SYN3: variants seen among roughly 807,000 people sequenced by gnomAD.
The protein encoded by SYN3 is synapsin III.
In SYN3, 35 loss-of-function variants were observed where a neutral mutation model predicts 65.8. The ratio of observed to expected loss-of-function variants is 0.53; its 90% CI spans 0.41 to 0.70. SYN3 has a LOEUF of 0.70. SYN3 is among the 30% of genes least tolerant of loss of function. SYN3 has a pLI of 0.00. For synonymous variants in SYN3, 270 were observed against 292.9 expected (o/e 0.92, Z 0.80); for missense variants, 680 against 749.0 (o/e 0.91, Z 1.08).
In SYN3 at chr22:32,541,643, G is replaced by T; in HGVS notation, c.845C>A (p.Thr282Asn). 2 of 1,614,176 alleles carry T rather than the reference G, an allele frequency of 1.2e-6. No individual in the cohort carries two copies. Among genetic ancestry groups the T allele is most frequent in the Non-Finnish European group, 8.5e-7 (1 of 1,180,036 alleles). Residue 282 changes from threonine to asparagine, a missense_variant, in exon 8 of 14, where the codon ACC becomes AAC. Thr to Asn is a moderately conservative substitution (Grantham distance 65). Coordinates refer to ENST00000358763, the MANE Select transcript of SYN3 (RefSeq NM_003490.4). ...SVVAMAKTYA[T>N]TEAFIDSKYD... ...CTTGGAGTCGATGAAGGCCTCGGTGGTGGCGTAGGTTTTGGCCATGGCGAC... is the reference window on the plus strand; with the variant it reads ...CTTGGAGTCGATGAAGGCCTCGGTGTTGGCGTAGGTTTTGGCCATGGCGAC...
chr22:32,905,737 C>G (rs5994641), intron 4 of SYN3, among the ~76,000 whole-genome samples: 197 of 152,356 alleles, frequency 1.3e-3, no homozygotes, highest in African/African-American at 4.6e-3. Flanking sequence ...AGCCTGTATT[C>G]CCTGCACTCT....
At chr22:32,571,676 G>T (rs1295306139) in intron 7 of SYN3, among the ~76,000 whole-genome samples, 1 of 152,176 alleles carries the variant, frequency 6.6e-6, no homozygotes, top group Non-Finnish European at 1.5e-5. Flanking sequence ...GTTTATGTGT[G>T]GGTTCTAGCT....
intron 6 of SYN3, among the ~76,000 whole-genome samples, chr22:32,767,135 T>A (rs750840942): frequency 6.6e-6 from 1 of 151,002 alleles, no homozygotes; most frequent in Non-Finnish European, 1.5e-5. Context: ...ATGCTACACA[T>A]GTTATTTGTG....
chr22:32,933,173 G>T (rs1281567449), intron 3 of SYN3, among the ~76,000 whole-genome samples: 1 of 152,142 alleles, frequency 6.6e-6, no homozygotes, highest in Non-Finnish European at 1.5e-5. Context: ...ACCAAACTGT[G>T]CCTTATACAC....
At chr22:32,620,931 G>A (rs1328669151) in intron 6 of SYN3, among the ~76,000 whole-genome samples, 3 of 126,198 alleles carry the variant, frequency 2.4e-5, no homozygotes, top group African/African-American at 1.3e-4. Context: ...TATTGGCCAG[G>A]CTGGTCTCGA....
chr22:33,011,481 T>A (rs1299888146), intron 1 of SYN3, among the ~76,000 whole-genome samples: 2 of 152,184 alleles, frequency 1.3e-5, no homozygotes, highest in Admixed American at 6.5e-5. Flanking sequence ...TCTGATAATA[T>A]TTTGCTATTT....
intron 6 of SYN3, among the ~76,000 whole-genome samples, chr22:32,691,905 T>C (rs1310572305): frequency 6.6e-6 from 1 of 151,982 alleles, no homozygotes; most frequent in African/African-American, 2.4e-5. Flanking sequence ...TGGAATGAGC[T>C]CCTGGGGTGA....
intron 1 of SYN3, among the ~76,000 whole-genome samples, chr22:33,009,790 A>ACACACACACACACT (rs2053304410): frequency 7.1e-6 from 1 of 139,890 alleles, no homozygotes; most frequent in South Asian, 2.4e-4. Flanking sequence ...ACACACACAC[A>ACACACACACACACT]CACTTATATA....
intron 6 of SYN3, among the ~76,000 whole-genome samples, chr22:32,817,062 TA>T (rs130284): frequency 2.3e-4 from 34 of 144,998 alleles, no homozygotes; most frequent in Middle Eastern, 3.5e-3. Flanking sequence ...TCTACTAATT[TA>T]AAAAAAAAAA....
chr22:33,014,235 G>A (rs1435547786), intron 1 of SYN3, among the ~76,000 whole-genome samples: 2 of 152,152 alleles, frequency 1.3e-5, no homozygotes, highest in African/African-American at 2.4e-5. Flanking sequence ...TTTTAAGGCT[G>A]AATGGTATTC....
intron 6 of SYN3, among the ~76,000 whole-genome samples, chr22:32,716,515 T>C (rs1280860220): frequency 6.6e-6 from 1 of 151,996 alleles, no homozygotes; most frequent in Non-Finnish European, 1.5e-5. Context: ...CCCCATCAAA[T>C]AATAACATAG....
intron 9 of SYN3, among the ~76,000 whole-genome samples, chr22:32,534,814 A>T (rs571508398): frequency 5.3e-5 from 8 of 152,282 alleles, no homozygotes; most frequent in Middle Eastern, 3.4e-3. Context: ...ATGGAGTCTC[A>T]TCTCATCCAC....
chr22:32,966,122 G>A (rs957887084), intron 3 of SYN3, among the ~76,000 whole-genome samples: 4 of 152,158 alleles, frequency 2.6e-5, no homozygotes, highest in African/African-American at 4.8e-5. Context: ...AGGGAGCGAG[G>A]GGCAGGTGAA....
chr22:32,546,743 A>G (rs1037139094), intron 7 of SYN3, among the ~76,000 whole-genome samples: 1 of 152,134 alleles, frequency 6.6e-6, no homozygotes, highest in Non-Finnish European at 1.5e-5. Context: ...GAAGCCCTCA[A>G]TGAGCTGTGA....
At chr22:33,003,751 G>C (rs1422752844) in intron 2 of SYN3, among the ~76,000 whole-genome samples, 3 of 152,194 alleles carry the variant, frequency 2.0e-5, no homozygotes, top group Non-Finnish European at 4.4e-5. Context: ...ATTTGCATAA[G>C]TAACAAGGAG....
intron 4 of SYN3, among the ~76,000 whole-genome samples, chr22:32,873,972 C>CAAA (rs907231072): frequency 1.3e-4 from 18 of 139,594 alleles, no homozygotes; most frequent in Middle Eastern, 3.7e-3. Flanking sequence ...ACAAAAAATA[C>CAAA]AAAAAAAAAA....
At chr22:32,949,925 G>A (rs1266436277) in intron 3 of SYN3, among the ~76,000 whole-genome samples, 1 of 152,212 alleles carries the variant, frequency 6.6e-6, no homozygotes, top group African/African-American at 2.4e-5. Flanking sequence ...CTTTGACCTT[G>A]AAGCCTGACT....
intron 7 of SYN3, among the ~76,000 whole-genome samples, chr22:32,581,799 T>C (rs1365030509): frequency 5.9e-5 from 8 of 136,590 alleles, no homozygotes; most frequent in Non-Finnish European, 9.4e-5. Flanking sequence ...TTTCTTTTTT[T>C]TTTTTTTTTT....
chr22:32,744,839 C>T (rs1319990471), intron 6 of SYN3, among the ~76,000 whole-genome samples: 1 of 152,150 alleles, frequency 6.6e-6, no homozygotes, highest in Non-Finnish European at 1.5e-5. Context: ...GACAAGAGGG[C>T]AGACCCAGGC....
Sources: allele counts gnomAD v4.1 joint callset (sites outside exome capture counted in the v4.1 genomes callset), GRCh38; gene constraint gnomAD v4.1.1; transcripts MANE v1.5; gene names NCBI Gene and HGNC (gene_info 2026-07-23, HGNC 2026-07-21).